CALD1: variants seen among roughly 807,000 people sequenced by gnomAD.
CALD1 encodes the protein caldesmon 1.
A neutral mutation model predicts 99.9 loss-of-function variants in CALD1; 33 were observed. That is an observed-to-expected ratio of 0.33 (90% CI 0.25 to 0.44). The LOEUF is 0.44. Among genes scored for constraint, CALD1 ranks in the 20% least tolerant of loss-of-function variants. The probability of loss-of-function intolerance (pLI) is 1.00; values close to 1 mark genes in which losing one functional copy is unlikely to be tolerated. For missense variants in CALD1, 861 were observed against 962.1 expected (o/e 0.89, Z 1.39); for synonymous variants, 310 against 325.0 (o/e 0.95, Z 0.50).
At chr7:134,749,431 C>G (rs1796665442) in intron 1 of CALD1, among the ~76,000 whole-genome samples, 1 of 152,152 alleles carries the variant, frequency 6.6e-6, no homozygotes, top group Admixed American at 6.5e-5. Context: ...ACCAGCCTGG[C>G]CAACATGGTG....
chr7:134,763,566 G>C (rs1796797009), intron 1 of CALD1, among the ~76,000 whole-genome samples: 1 of 152,104 alleles, frequency 6.6e-6, no homozygotes, highest in African/African-American at 2.4e-5. Context: ...TCCTGAGAGG[G>C]GCTGTCCACT....
At chr7:134,892,538 C>A (rs1180896785) in intron 3 of CALD1, among the ~76,000 whole-genome samples, 2 of 152,018 alleles carry the variant, frequency 1.3e-5, no homozygotes, top group Non-Finnish European at 2.9e-5. Context: ...CCAGTTGTTC[C>A]AGCGTTTGTG....
At chr7:134,948,211 AT>A (rs1278632647) in intron 8 of CALD1, 2 of 155,522 alleles carry the variant, frequency 1.3e-5, no homozygotes. Context: ...TATAGAGAAG[AT>A]TTTTTTAAAT....
chr7:134,953,265 G>A (rs1807498164), intron 9 of CALD1, among the ~76,000 whole-genome samples: 1 of 151,994 alleles, frequency 6.6e-6, no homozygotes, highest in African/African-American at 2.4e-5. Flanking sequence ...TATCACCTGA[G>A]GTCAGGAGTT....
chr7:134,939,682 G>A (rs1157974082), intron 6 of CALD1, among the ~76,000 whole-genome samples: 2 of 152,122 alleles, frequency 1.3e-5, no homozygotes, highest in African/African-American at 2.4e-5. Flanking sequence ...TGCACTTTAG[G>A]CCAGGTGCAG....
intron 2 of CALD1, among the ~76,000 whole-genome samples, chr7:134,862,114 G>A (rs1563051383): frequency 6.6e-6 from 1 of 152,144 alleles, no homozygotes; most frequent in African/African-American, 2.4e-5. Flanking sequence ...GTTGTAAACC[G>A]AAGGCATAGG....
chr7:134,954,909 A>C (rs1357710485), intron 9 of CALD1, among the ~76,000 whole-genome samples: 1 of 152,258 alleles, frequency 6.6e-6, no homozygotes, highest in Non-Finnish European at 1.5e-5. Context: ...GAAACCATGT[A>C]AACCAGAAAC....
intron 1 of CALD1, among the ~76,000 whole-genome samples, chr7:134,834,973 G>A (rs1359421768): frequency 1.3e-5 from 2 of 152,174 alleles, no homozygotes; most frequent in Non-Finnish European, 2.9e-5. Flanking sequence ...ATTAACAGAT[G>A]GATATCTGGG....
chr7:134,735,910 AG>A, the CALD1 span, among the ~76,000 whole-genome samples: 1 of 152,208 alleles, frequency 6.6e-6, no homozygotes, highest in Non-Finnish European at 1.5e-5. Flanking sequence ...GACATTGAAG[AG>A]TACTCACTGC....
chr7:134,932,909 T>C (rs972601374), intron 4 of CALD1, 79 bp from the exon 5 acceptor site: 1 of 972,484 alleles, frequency 1.0e-6, no homozygotes, highest in Non-Finnish European at 1.5e-6. Context: ...GCTGTAGTCC[T>C]GGGTAGCACA....
At chr7:134,789,207 T>A (rs1175329885) in intron 1 of CALD1, among the ~76,000 whole-genome samples, 2 of 152,134 alleles carry the variant, frequency 1.3e-5, no homozygotes, top group Non-Finnish European at 2.9e-5. Flanking sequence ...AAATAAGTTA[T>A]CTTCATAACA....
chr7:134,792,183 G>A (rs1310824920), intron 1 of CALD1, among the ~76,000 whole-genome samples: 2 of 152,168 alleles, frequency 1.3e-5, no homozygotes, highest in Non-Finnish European at 2.9e-5. Context: ...AGGGCTGTGA[G>A]GGAAGTCTCT....
intron 1 of CALD1, among the ~76,000 whole-genome samples, chr7:134,792,745 G>A (rs918814827): frequency 2.0e-5 from 3 of 152,118 alleles, no homozygotes; most frequent in African/African-American, 7.2e-5. Flanking sequence ...GAATACTCGG[G>A]GGAGATACAA....
At chr7:134,926,033 T>C (rs1265019783) in intron 3 of CALD1, among the ~76,000 whole-genome samples, 3 of 152,168 alleles carry the variant, frequency 2.0e-5, no homozygotes, top group African/African-American at 7.2e-5. Context: ...GCCAAACCAC[T>C]GGGAAGGGCT....
At position 134,933,651 on chromosome 7, in the gene CALD1, A is replaced by G; in HGVS notation, c.882A>G (p.Arg294=). 6.2e-7 allele frequency: 1 copy of G among 1,605,930 alleles called. No homozygotes were observed. Among genetic ancestry groups the G allele is most frequent in the Non-Finnish European group, 8.5e-7 (1 of 1,175,700 alleles). Residue 294 remains arginine (R), a synonymous_variant, in exon 5 of 15, where the codon AGA becomes AGG. Transcript: ENST00000361675. The part of the protein sequence containing the change: ...QDKKIADERA[R]IEAEEKAAAQ... ...AAAAGATAGCAGATGAACGAGCAAG[A>G]ATTGAAGCAGAAGAAAAAGCAGCTG...
chr7:134,831,845 G>A (rs1321791447), intron 1 of CALD1, among the ~76,000 whole-genome samples: 1 of 152,150 alleles, frequency 6.6e-6, no homozygotes, highest in Non-Finnish European at 1.5e-5. Flanking sequence ...ACTGAGGGGC[G>A]TGTAAAGCAG....
intron 1 of CALD1, among the ~76,000 whole-genome samples, chr7:134,796,513 T>C (rs1159039930): frequency 2.0e-5 from 3 of 152,178 alleles, no homozygotes; most frequent in African/African-American, 7.2e-5. Context: ...AATCATCTCA[T>C]GCACGAGAGC....
chr7:134,892,644 G>T (rs930637547), intron 3 of CALD1, among the ~76,000 whole-genome samples: 1 of 152,190 alleles, frequency 6.6e-6, no homozygotes, highest in African/African-American at 2.4e-5. Flanking sequence ...GCTAGTTTCC[G>T]TAAGTGTGGT....
chr7:134,891,750 A>T, intron 3 of CALD1: 12 of 692,116 alleles, frequency 1.7e-5, no homozygotes, highest in Non-Finnish European at 1.8e-5. Flanking sequence ...TGTTGTAAAA[A>T]AAAAAAAAAA....
Sources: allele counts gnomAD v4.1 joint callset (sites outside exome capture counted in the v4.1 genomes callset), GRCh38; gene constraint gnomAD v4.1.1; transcripts MANE v1.5; gene names NCBI Gene and HGNC (gene_info 2026-07-23, HGNC 2026-07-21).